The following PPP4R4 variants were observed in gnomAD, a reference collection of about 807,000 sequenced individuals.
The protein encoded by PPP4R4 is serine/threonine-protein phosphatase 4 regulatory subunit 4.
Under a neutral mutation model 121.8 loss-of-function variants are expected in PPP4R4, and 70 were observed. The ratio of observed to expected loss-of-function variants is 0.57; its 90% confidence interval spans 0.47 to 0.70. PPP4R4 has a LOEUF of 0.70. PPP4R4 is among the 30% of genes least tolerant of loss of function. PPP4R4 has a pLI of 0.00. For missense variants in PPP4R4, 875 were observed against 1,033.6 expected, an observed-to-expected ratio of 0.85 and a Z score of 2.10; for synonymous variants, 348 against 355.7, an observed-to-expected ratio of 0.98 and a Z score of 0.24.
At chr14:94,213,439 G>A (rs6575399) in intron 3 of PPP4R4, among the ~76,000 whole-genome samples, 35,874 of 151,988 alleles carry the variant, frequency 0.24, 5,096 homozygotes, top group East Asian at 0.59. Flanking sequence ...AAGTGGTGTG[G>A]TAGGTAGAAT....
chr14:94,225,322 T>C (rs1891635389), intron 3 of PPP4R4, among the ~76,000 whole-genome samples: 1 of 152,114 alleles, frequency 6.6e-6, no homozygotes, highest in Non-Finnish European at 1.5e-5. Flanking sequence ...TCCAGAAAAG[T>C]GAGCATGTAA....
At chr14:94,265,046 A>G in intron 20 of PPP4R4, 99 bp downstream of exon 20, 2 of 1,078,358 alleles carry the variant, frequency 1.9e-6, no homozygotes, top group Admixed American at 2.6e-5. Flanking sequence ...TGATATGGAA[A>G]ATTGCTTTAC....
Position 94,230,571 on chromosome 14 carries a change from C to T in PPP4R4, c.295-16C>T. 1 of 1,600,344 alleles carries T rather than the reference C, an allele frequency of 6.2e-7. No homozygotes were observed. The highest frequency in any genetic ancestry group is 8.5e-7 in the Non-Finnish European group (1 of 1,171,548). On this transcript the variant is annotated splice_polypyrimidine_tract_variant and intron_variant, in intron 3 of 24. Transcript: ENST00000304338. ...CTCTCATCTATGTAAATAGCAAACTCTTTCTGATTATACAGGAAGCCCTGC... is the reference window on the plus strand; with the variant it reads ...CTCTCATCTATGTAAATAGCAAACTTTTTCTGATTATACAGGAAGCCCTGC...
chr14:94,177,073 TAAAAAA>T, intron 2 of PPP4R4, among the ~76,000 whole-genome samples: 1 of 146,210 alleles, frequency 6.8e-6, no homozygotes, highest in South Asian at 2.2e-4. Context: ...AATGATTCTG[TAAAAAA>T]AAAAAATCCC....
At chr14:94,243,630 C>G (rs951759797) in intron 11 of PPP4R4, among the ~76,000 whole-genome samples, 1 of 152,054 alleles carries the variant, frequency 6.6e-6, no homozygotes, top group African/African-American at 2.4e-5. Flanking sequence ...CATGTGTATA[C>G]AAATATGTTT....
chr14:94,237,729 T>C, intron 8 of PPP4R4, 43 bp downstream of exon 8: 1 of 1,587,162 alleles, frequency 6.3e-7, no homozygotes, highest in Non-Finnish European at 8.6e-7. Context: ...AACAGTGTTT[T>C]TCTACATGTT....
At chr14:94,257,642 T>TACACACACACACACACAC (rs57997995) in intron 17 of PPP4R4, among the ~76,000 whole-genome samples, 135 of 146,982 alleles carry the variant, frequency 9.2e-4, no homozygotes, top group African/African-American at 3.2e-3. Context: ...CATTTAAATC[T>TACACACACACACACACAC]ACACACACAC....
At chr14:94,196,562 C>T (rs946803099) in intron 2 of PPP4R4, among the ~76,000 whole-genome samples, 3 of 152,078 alleles carry the variant, frequency 2.0e-5, no homozygotes, top group Admixed American at 6.5e-5. Flanking sequence ...GATCTGCCTG[C>T]GTCGGCCTCC....
chr14:94,251,967 A>G, intron 16 of PPP4R4, 71 bp downstream of exon 16: 1 of 1,334,874 alleles, frequency 7.5e-7, no homozygotes, highest in Non-Finnish European at 1.0e-6. Flanking sequence ...CATATGCAAA[A>G]TCTTTTCCTT....
chr14:94,199,814 C>A (rs1304947773), intron 2 of PPP4R4, among the ~76,000 whole-genome samples: 3 of 152,206 alleles, frequency 2.0e-5, no homozygotes, highest in Non-Finnish European at 4.4e-5. Flanking sequence ...CTCTTGACGG[C>A]CTCTTAACAT....
intron 8 of PPP4R4, among the ~76,000 whole-genome samples, chr14:94,240,326 A>G (rs1956165): frequency 0.16 from 24,289 of 152,102 alleles, 2,069 homozygotes; most frequent in Middle Eastern, 0.24. Context: ...TTTGCTTACT[A>G]TTTATCTATT....
At chr14:94,237,814 T>C in intron 8 of PPP4R4, 128 bp downstream of exon 8, 1 of 1,217,978 alleles carries the variant, frequency 8.2e-7, no homozygotes, top group Non-Finnish European at 1.1e-6. Flanking sequence ...CCTCTTTTTA[T>C]GATTCATTCT....
At chr14:94,233,441 A>C (rs1188682447) in intron 5 of PPP4R4, among the ~76,000 whole-genome samples, 1 of 152,192 alleles carries the variant, frequency 6.6e-6, no homozygotes, top group African/African-American at 2.4e-5. Flanking sequence ...GTTTTTTCCT[A>C]ATTGTTTTAA....
chr14:94,208,592 A>C, intron 3 of PPP4R4, 26 bp downstream of exon 3: 1 of 1,558,172 alleles, frequency 6.4e-7, no homozygotes, highest in Non-Finnish European at 8.8e-7. Flanking sequence ...ATAAGATTGG[A>C]GTTTCCCATT....
chr14:94,265,799 G>T lies in PPP4R4; in HGVS notation c.2290G>T (p.Glu764Ter), dbSNP rs368765817. 3 of 1,599,350 alleles carry T rather than the reference G, an allele frequency of 1.9e-6. 1 individual carries two copies. In the South Asian group the frequency reaches 3.4e-5, roughly 18 times the overall value. ...PSSVTPSTSK[E>*]IKKSKLIRSQ... ...TTTTCTGCTTATTGCTCTAGGTAAAGAAATCAAGAAATCCAAACTGATTCG... is the reference window on the plus strand; with the variant it reads ...TTTTCTGCTTATTGCTCTAGGTAAATAAATCAAGAAATCCAAACTGATTCG... Residue 764 changes from glutamate (E) to a stop codon, truncating the protein, a stop_gained, in exon 22 of 25, where the codon GAA becomes TAA. Coordinates refer to ENST00000304338, the MANE Select transcript of PPP4R4 (RefSeq NM_058237.2). LOFTEE classifies it high-confidence loss of function.
At chr14:94,184,939 T>C (rs1198979118) in intron 2 of PPP4R4, among the ~76,000 whole-genome samples, 1 of 152,238 alleles carries the variant, frequency 6.6e-6, no homozygotes, top group Non-Finnish European at 1.5e-5. Context: ...AGTACTTATG[T>C]GCTAGGCATC....
At chr14:94,245,001 A>C (rs1167038532) in intron 12 of PPP4R4, among the ~76,000 whole-genome samples, 1 of 152,086 alleles carries the variant, frequency 6.6e-6, no homozygotes, top group African/African-American at 2.4e-5. Context: ...AATTTCAATT[A>C]CTGTTACTAT....
rs371368466 is a variant in PPP4R4, at chr14:94,190,089, A to G, written c.191+13962A>G. 1.4e-4 allele frequency among the ~76,000 whole-genome samples: 21 copies of G among 148,204 alleles called. No individual in the cohort carries two copies. The East Asian group carries it at 3.8e-3, about 27-fold the overall frequency. On this transcript the variant is annotated intron_variant, in intron 2 of 24. Transcript: ENST00000304338. ...GAGATAGGGTCTTGCTATATTGCCCAGCTGGTCTCAAACTCCTGGCCTCAA... is the reference window on the plus strand; with the variant it reads ...GAGATAGGGTCTTGCTATATTGCCCGGCTGGTCTCAAACTCCTGGCCTCAA...
intron 15 of PPP4R4, among the ~76,000 whole-genome samples, chr14:94,250,697 T>C (rs1453530045): frequency 6.6e-6 from 1 of 152,008 alleles, no homozygotes; most frequent in African/African-American, 2.4e-5. Flanking sequence ...TTGATGAGCC[T>C]AGTTGGTTTA....
Sources: gnomAD v4.1 joint callset for allele counts (sites outside exome capture counted in the v4.1 genomes callset) on GRCh38, gnomAD v4.1.1 for gene constraint, MANE v1.5 for transcripts, NCBI Gene and HGNC (gene_info 2026-07-23, HGNC 2026-07-21) for gene names.